ATXN7L1: variants seen among roughly 807,000 people sequenced by gnomAD.
ATXN7L1 encodes the protein ataxin-7-like protein 1.
Under a neutral mutation model 70.8 loss-of-function variants are expected in ATXN7L1, and 15 were observed. That is an observed-to-expected ratio of 0.21 (90% CI 0.14 to 0.33). The LOEUF (loss-of-function observed/expected upper bound fraction) is 0.33, where lower values mean the gene tolerates loss of function less well. Ranked by LOEUF, ATXN7L1 falls within the 10% of genes least tolerant of loss-of-function variation. ATXN7L1 has a pLI of 1.00. For synonymous variants in ATXN7L1, 440 were observed against 445.1 expected (o/e 0.99, Z 0.14); for missense variants, 975 against 1,097.1 (o/e 0.89, Z 1.57).
chr7:105,755,089 T>A (rs1347369042), intron 3 of ATXN7L1, among the ~76,000 whole-genome samples: 1 of 152,206 alleles, frequency 6.6e-6, no homozygotes, highest in Non-Finnish European at 1.5e-5. Flanking sequence ...CTTTTTTGGG[T>A]CTTCCTTCCT....
At chr7:105,635,743 C>T (rs926760935) in intron 7 of ATXN7L1, among the ~76,000 whole-genome samples, 6 of 151,808 alleles carry the variant, frequency 4.0e-5, no homozygotes, top group African/African-American at 9.7e-5. Flanking sequence ...TCAAGGTTAA[C>T]GAAAAGATAC....
At chr7:105,740,948 T>C (rs1797958679) in intron 3 of ATXN7L1, among the ~76,000 whole-genome samples, 1 of 151,860 alleles carries the variant, frequency 6.6e-6, no homozygotes, top group South Asian at 2.1e-4. Flanking sequence ...GTATTTTTAG[T>C]AGAGATGGGT....
chr7:105,768,054 C>T (rs1198320988), intron 3 of ATXN7L1, among the ~76,000 whole-genome samples: 1 of 152,214 alleles, frequency 6.6e-6, no homozygotes, highest in East Asian at 1.9e-4. Flanking sequence ...TAGATGATCT[C>T]TCTGTTCTCC....
intron 3 of ATXN7L1, among the ~76,000 whole-genome samples, chr7:105,733,888 T>TG (rs1797071485): frequency 1.4e-5 from 1 of 70,274 alleles, no homozygotes; most frequent in African/African-American, 5.4e-5. Flanking sequence ...CCATCATCCA[T>TG]CATCCATCCA....
At chr7:105,834,545 A>G (rs1812086481) in intron 2 of ATXN7L1, among the ~76,000 whole-genome samples, 1 of 152,204 alleles carries the variant, frequency 6.6e-6, no homozygotes, top group Non-Finnish European at 1.5e-5. Context: ...ATGTGCCCAG[A>G]AATGCAATAC....
chr7:105,751,963 C>G (rs1465914785), intron 3 of ATXN7L1, among the ~76,000 whole-genome samples: 2 of 152,216 alleles, frequency 1.3e-5, no homozygotes, highest in Non-Finnish European at 2.9e-5. Flanking sequence ...TATCAGCTCT[C>G]AAGGGAAGAA....
intron 3 of ATXN7L1, among the ~76,000 whole-genome samples, chr7:105,729,662 C>T (rs1796306133): frequency 6.6e-6 from 1 of 151,830 alleles, no homozygotes; most frequent in Non-Finnish European, 1.5e-5. Flanking sequence ...ACTCTTGACC[C>T]CAGGTGATCC....
rs559724750 is a variant in ATXN7L1, at chr7:105,680,401, G to C, written c.356-15113C>G. On this transcript the variant is annotated intron_variant, in intron 3 of 11. Transcript: ENST00000419735. ...ACATGACTGGACTTCTGGGTTCTTG[G>C]CTTCCTTTTCCCCTCTTGTTGAGAG... Among the ~76,000 whole-genome samples, 3 of 152,326 alleles carry C rather than the reference G, an allele frequency of 2.0e-5. No homozygotes were observed. The South Asian group carries it at 6.2e-4, about 32-fold the overall frequency.
chr7:105,652,615 T>A (rs1026134247), intron 4 of ATXN7L1, among the ~76,000 whole-genome samples: 3 of 152,222 alleles, frequency 2.0e-5, no homozygotes. Context: ...AGACAGTTAC[T>A]GTTTCCCAAC....
intron 3 of ATXN7L1, among the ~76,000 whole-genome samples, chr7:105,775,861 A>G (rs1358950572): frequency 2.0e-5 from 3 of 152,092 alleles, no homozygotes; most frequent in African/African-American, 7.2e-5. Flanking sequence ...AAATAGATGC[A>G]TTTTTGTTTT....
In ATXN7L1 at chr7:105,607,430, T is replaced by C. The variant is rs187468130; in HGVS notation, c.*422A>G. 1.6e-3 allele frequency: 292 copies of C among 181,754 alleles called. 1 individual carries two copies. Among genetic ancestry groups the C allele is most frequent in the Non-Finnish European group, 2.6e-3 (222 of 86,114 alleles). The allele number at this position is 181,754 out of a possible 1,614,324, so 11.3% of individuals were successfully genotyped here. ...AGGGATGGAAGGAATCGGGTGGAGA[T>C]GACAGGAAGAAAAAGGGCTCTGCCT... On this transcript the variant is annotated 3_prime_UTR_variant, in exon 12 of 12. Coordinates refer to ENST00000419735, the MANE Select transcript of ATXN7L1 (RefSeq NM_020725.2).
At chr7:105,704,584 CTTTTTTTTTTTTTTT>C (rs11329205) in intron 3 of ATXN7L1, among the ~76,000 whole-genome samples, 5 of 89,492 alleles carry the variant, frequency 5.6e-5, no homozygotes, top group African/African-American at 2.1e-4. Flanking sequence ...GGTTTTATCT[CTTTTTTTTTTTTTTT>C]TTTTTTTTTT....
intron 4 of ATXN7L1, among the ~76,000 whole-genome samples, chr7:105,647,477 G>A (rs1208907714): frequency 6.6e-6 from 1 of 152,106 alleles, no homozygotes; most frequent in East Asian, 1.9e-4. Context: ...GTGATACCCC[G>A]TCTCTACTAA....
chr7:105,659,617 G>T (rs1801260556), intron 4 of ATXN7L1, among the ~76,000 whole-genome samples: 1 of 152,196 alleles, frequency 6.6e-6, no homozygotes, highest in South Asian at 2.1e-4. Flanking sequence ...TTATGGCCAG[G>T]AGAGAAGGGG....
chr7:105,824,330 G>C (rs1003838919), intron 2 of ATXN7L1, among the ~76,000 whole-genome samples: 2 of 152,014 alleles, frequency 1.3e-5, no homozygotes, highest in African/African-American at 4.8e-5. Context: ...GAATGGCCAA[G>C]AATCACCAGA....
intron 3 of ATXN7L1, among the ~76,000 whole-genome samples, chr7:105,750,111 G>A (rs892075320): frequency 1.3e-5 from 2 of 151,630 alleles, no homozygotes; most frequent in African/African-American, 4.8e-5. Flanking sequence ...TGTGTAGACT[G>A]CAGGCACTTT....
intron 3 of ATXN7L1, chr7:105,760,583 A>T: frequency 1.0e-6 from 1 of 984,696 alleles, no homozygotes; most frequent in Admixed American, 6.1e-5. Context: ...GCTCTGAGGG[A>T]TGCAAAGACT....
At chr7:105,731,726 C>T (rs1170322797) in intron 3 of ATXN7L1, among the ~76,000 whole-genome samples, 5 of 46,234 alleles carry the variant, frequency 1.1e-4, no homozygotes, top group African/African-American at 5.4e-4. Flanking sequence ...TGAGCCACTG[C>T]ACCTGGGCTT....
At chr7:105,733,689 CCCATCCAT>C (rs1796973027) in intron 3 of ATXN7L1, among the ~76,000 whole-genome samples, 1 of 27,710 alleles carries the variant, frequency 3.6e-5, no homozygotes, top group Non-Finnish European at 8.0e-5. Flanking sequence ...CACCCATCCA[CCCATCCAT>C]CCATTCATCC....
Sources: gnomAD v4.1 joint callset for allele counts (sites outside exome capture counted in the v4.1 genomes callset) on GRCh38, gnomAD v4.1.1 for gene constraint, MANE v1.5 for transcripts, NCBI Gene and HGNC (gene_info 2026-07-23, HGNC 2026-07-21) for gene names.